Variants in ABCC3 observed in about 807,000 individuals in gnomAD.
ABCC3 encodes the protein ATP-binding cassette sub-family C member 3.
In ABCC3, 121 loss-of-function variants were observed where a neutral mutation model predicts 165.3. That is an observed-to-expected ratio of 0.73 (90% CI 0.63 to 0.85). ABCC3 has a LOEUF of 0.85. Ranked by LOEUF, ABCC3 falls within the 40% of genes least tolerant of loss-of-function variation. The pLI is 0.00. For synonymous variants in ABCC3, 733 were observed against 810.1 expected, an observed-to-expected ratio of 0.90 and a Z score of 1.62; for missense variants, 1,869 against 1,964.1, an observed-to-expected ratio of 0.95 and a Z score of 0.92.
At chr17:50,646,973 G>A (rs1967012843) in intron 1 of ABCC3, among the ~76,000 whole-genome samples, 1 of 152,156 alleles carries the variant, frequency 6.6e-6, no homozygotes, top group Non-Finnish European at 1.5e-5. Context: ...CCGCCTCCCG[G>A]GTTCAAACAG....
intron 17 of ABCC3, among the ~76,000 whole-genome samples, 172 bp from the exon 18 acceptor site, chr17:50,672,799 G>A (rs1404295304): frequency 6.6e-6 from 1 of 151,920 alleles, no homozygotes; most frequent in East Asian, 1.9e-4. Flanking sequence ...TCAAACGCGA[G>A]AGGCAGAGGT....
intron 1 of ABCC3, among the ~76,000 whole-genome samples, chr17:50,639,221 C>T (rs1035244097): frequency 2.6e-5 from 4 of 152,064 alleles, no homozygotes; most frequent in African/African-American, 7.2e-5. Context: ...TTTCCTCCAT[C>T]TCAGCTGCTG....
Position 50,664,116 on chromosome 17 carries a change from C to G in ABCC3, c.1338+5C>G. 1 of 1,614,008 alleles carries G rather than the reference C, an allele frequency of 6.2e-7. No individual in the cohort carries two copies. The highest frequency in any genetic ancestry group is 8.5e-7 in the Non-Finnish European group (1 of 1,179,908). Reference sequence around the variant, plus strand: ...GCGATCTACTTCCTCTGGCAGGTGACTCTCCAACCCTGACCTCTGCCTCCT... The same window carrying G: ...GCGATCTACTTCCTCTGGCAGGTGAGTCTCCAACCCTGACCTCTGCCTCCT... On this transcript the variant is annotated splice_donor_5th_base_variant and intron_variant, in intron 10 of 30. Coordinates refer to ENST00000285238, the MANE Select transcript of ABCC3 (RefSeq NM_003786.4).
intron 1 of ABCC3, among the ~76,000 whole-genome samples, chr17:50,653,758 GA>G (rs57247095): frequency 0.021 from 2,745 of 132,330 alleles, 44 homozygotes; most frequent in Non-Finnish European, 0.031. Context: ...CATCTCAAAA[GA>G]AAAAAAAAAA....
chr17:50,653,361 A>G (rs1967152567), intron 1 of ABCC3, among the ~76,000 whole-genome samples: 1 of 150,794 alleles, frequency 6.6e-6, no homozygotes, highest in African/African-American at 2.4e-5. Context: ...AAAAAAAAAA[A>G]AAGAAAAAGA....
chr17:50,689,446 C>T (rs1431886602), intron 30 of ABCC3, among the ~76,000 whole-genome samples: 2 of 152,200 alleles, frequency 1.3e-5, no homozygotes, highest in African/African-American at 2.4e-5. Context: ...TGGCCCTGGC[C>T]TGGCAGGCTG....
rs913542042 is a variant in ABCC3 at position 50,635,729 on chromosome 17, A to C, written c.45+748A>C. On this transcript the variant is annotated intron_variant, in intron 1 of 30. Transcript: ENST00000285238. ...GAAGGCAGAGCTGGGATAGAAAAAC[A>C]GGCTACAGGCCAGGTGCAGTGGTTC... is the stretch of plus-strand genomic sequence containing the variant. 14 of 630,994 alleles carry C rather than the reference A, an allele frequency of 2.2e-5. No individual in the cohort carries two copies. In the African/African-American group the frequency reaches 2.5e-4, roughly 11 times the overall value. 39.1% of individuals were successfully genotyped at this position (630,994 alleles called of 1,614,324 possible).
chr17:50,676,894 G>A lies in ABCC3; in HGVS notation c.3378+306G>A, dbSNP rs995119439. Among the ~76,000 whole-genome samples the A allele has an allele frequency of 4.6e-5, 7 of 150,964 alleles. No homozygotes were observed. The South Asian group carries it at 1.0e-3, about 23-fold the overall frequency. On this transcript the variant is annotated intron_variant, in intron 23 of 30. Transcript: ENST00000285238. ...TGTTGGCTTTTTTTTTTTGGGGGGG[G>A]GGGGACGGAATCTCGAGTCTCGCTC...
rs1567836691 is a variant in ABCC3 at position 50,676,339 on chromosome 17, G to A, written c.3129G>A (p.Val1043=). The stretch of plus-strand genomic sequence containing the variant: ...CGGGTGGCATCCAGGCTGCCCGTGT[G>A]TTGCACCAGGCACTGCTGCACAACA... The part of the protein sequence containing the change: ...MAAGGIQAAR[V]LHQALLHNKI... Residue 1043 remains valine, a synonymous_variant, in exon 23 of 31, where the codon GTG becomes GTA. Transcript: ENST00000285238. 6 of 1,614,194 alleles carry A rather than the reference G, an allele frequency of 3.7e-6. No individual in the cohort carries two copies. Among genetic ancestry groups the A allele is most frequent in the African/African-American group, 2.7e-5 (2 of 75,046 alleles).
At chr17:50,684,453 T>G (rs1012192520) in intron 28 of ABCC3, among the ~76,000 whole-genome samples, 1 of 152,174 alleles carries the variant, frequency 6.6e-6, no homozygotes, top group African/African-American at 2.4e-5. Flanking sequence ...TTTTTGTTTC[T>G]GCCGAGTGGA....
rs558677810 is a variant in ABCC3 at position 50,638,743 on chromosome 17, C to T, written c.45+3762C>T. On this transcript the variant is annotated intron_variant, in intron 1 of 30. Transcript: ENST00000285238. Reference sequence around the variant, plus strand: ...TTACCCATCCTAGGGAGGGGCAGATCCCTGGTCCCTTGGAGGCTCAGCTCC... The same window carrying T: ...TTACCCATCCTAGGGAGGGGCAGATTCCTGGTCCCTTGGAGGCTCAGCTCC... Among the ~76,000 whole-genome samples, 133 of 152,314 alleles carry T rather than the reference C, an allele frequency of 8.7e-4. 1 individual carries two copies. The highest frequency in any genetic ancestry group is 3.0e-3 in the African/African-American group (125 of 41,580).
At chr17:50,671,225 A>G (rs180976110) in intron 17 of ABCC3, among the ~76,000 whole-genome samples, 1 of 151,350 alleles carries the variant, frequency 6.6e-6, no homozygotes, top group Non-Finnish European at 1.5e-5. Flanking sequence ...GTATCACTGC[A>G]TTCCAGCCTG....
rs1285018725 is a variant in ABCC3, at chr17:50,663,877, CA to C, written c.1176+20del. 6.2e-6 allele frequency: 10 copies of C among 1,614,068 alleles called. No homozygotes were observed. Among genetic ancestry groups the C allele is most frequent in the Admixed American group, 3.3e-5 (2 of 60,000 alleles). On this transcript the variant is annotated intron_variant, in intron 9 of 30. Coordinates refer to ENST00000285238, the MANE Select transcript of ABCC3 (RefSeq NM_003786.4). The stretch of plus-strand genomic sequence containing the variant: ...CAGGAAGGTCAGCTGGAGCAGGGCC[CA>C]GGGGAAAGGCTGGCCCTGGGCAGCT...
intron 29 of ABCC3, among the ~76,000 whole-genome samples, chr17:50,687,026 G>A (rs551420110): frequency 4.6e-5 from 7 of 152,224 alleles, no homozygotes; most frequent in East Asian, 1.9e-4. Context: ...AAGAGTCCCC[G>A]GGTGTTCCTC....
chr17:50,644,251 C>T (rs549825985), intron 1 of ABCC3, among the ~76,000 whole-genome samples: 18 of 129,956 alleles, frequency 1.4e-4, no homozygotes, highest in African/African-American at 5.3e-4. Flanking sequence ...GTGGAGGTTG[C>T]AGTGAGCCAA....
intron 17 of ABCC3, among the ~76,000 whole-genome samples, chr17:50,672,658 A>G (rs1967673412): frequency 6.6e-6 from 1 of 152,156 alleles, no homozygotes; most frequent in Non-Finnish European, 1.5e-5. Flanking sequence ...TGAGCTCAGG[A>G]GTTGGAGACC....
intron 18 of ABCC3, 55 bp downstream of exon 18, chr17:50,673,193 G>T: frequency 6.3e-7 from 1 of 1,598,308 alleles, no homozygotes. Context: ...CCCGAAGAGA[G>T]AGCTGGTGAG....
intron 23 of ABCC3, among the ~76,000 whole-genome samples, chr17:50,676,909 G>A (rs959090047): frequency 1.3e-5 from 2 of 149,942 alleles, no homozygotes; most frequent in Non-Finnish European, 3.0e-5. Context: ...ACGGAATCTC[G>A]AGTCTCGCTC....
intron 29 of ABCC3, 122 bp downstream of exon 29, chr17:50,684,997 C>A: frequency 2.7e-6 from 3 of 1,113,670 alleles, no homozygotes; most frequent in Middle Eastern, 3.0e-4. Context: ...ACAGGGCTGT[C>A]CTTTCGTATT....
Sources: allele counts gnomAD v4.1 joint callset (sites outside exome capture counted in the v4.1 genomes callset), GRCh38; gene constraint gnomAD v4.1.1; transcripts MANE v1.5; gene names NCBI Gene and HGNC (gene_info 2026-07-23, HGNC 2026-07-21).